The following ALDH1L2 variants were observed in gnomAD, a reference collection of about 807,000 sequenced individuals.
ALDH1L2 encodes the protein aldehyde dehydrogenase 1 family member L2.
ALDH1L2 carries 91 observed loss-of-function variants against 111.0 expected under a neutral mutation model. That is an observed-to-expected ratio of 0.82 (90% CI 0.69 to 0.98). The LOEUF (loss-of-function observed/expected upper bound fraction) is 0.98, where lower values mean the gene tolerates loss of function less well. Among genes scored for constraint, ALDH1L2 ranks in the 50% least tolerant of loss-of-function variants. The probability of loss-of-function intolerance (pLI) is 0.00; values close to 1 mark genes in which losing one functional copy is unlikely to be tolerated. For synonymous variants in ALDH1L2, 374 were observed against 392.6 expected, an observed-to-expected ratio of 0.95 and a Z score of 0.56; for missense variants, 995 against 1,126.8, an observed-to-expected ratio of 0.88 and a Z score of 1.67.
intron 7 of ALDH1L2, among the ~76,000 whole-genome samples, chr12:105,062,426 G>A (rs73393847): frequency 0.053 from 8,021 of 152,236 alleles, 703 homozygotes; most frequent in African/African-American, 0.18. Context: ...GGGAAGCTTC[G>A]CAAGGGCACA....
intron 18 of ALDH1L2, among the ~76,000 whole-genome samples, chr12:105,037,889 C>T (rs934657938): frequency 1.3e-5 from 2 of 151,988 alleles, no homozygotes; most frequent in East Asian, 1.9e-4. Flanking sequence ...CTCAGCCTCC[C>T]GGGTAGCTGG....
chr12:105,062,146 A>G (rs112501689), intron 7 of ALDH1L2, among the ~76,000 whole-genome samples: 30 of 152,354 alleles, frequency 2.0e-4, no homozygotes, highest in African/African-American at 6.7e-4. Flanking sequence ...CTTCAGCAGC[A>G]CATATACTAA....
intron 16 of ALDH1L2, among the ~76,000 whole-genome samples, chr12:105,040,399 C>A (rs949642999): frequency 6.6e-6 from 1 of 152,096 alleles, no homozygotes; most frequent in South Asian, 2.1e-4. Flanking sequence ...ACTGTACAAC[C>A]CCCCTCCCCA....
chr12:105,043,206 A>G (rs1222940852), intron 15 of ALDH1L2, among the ~76,000 whole-genome samples: 3 of 152,136 alleles, frequency 2.0e-5, no homozygotes, highest in Non-Finnish European at 4.4e-5. Context: ...TCCCTTGCTC[A>G]TTTGCCTTCA....
chr12:105,071,517 C>T (rs527267691), intron 2 of ALDH1L2, among the ~76,000 whole-genome samples: 2 of 148,952 alleles, frequency 1.3e-5, no homozygotes, highest in African/African-American at 2.5e-5. Flanking sequence ...AAACAGCACA[C>T]GCCTATTTTT....
At chr12:105,083,626 T>A (rs983724225) in intron 1 of ALDH1L2, among the ~76,000 whole-genome samples, 37 of 148,680 alleles carry the variant, frequency 2.5e-4, no homozygotes, top group Non-Finnish European at 4.3e-4. Context: ...TTTTTATTTT[T>A]TTTTTTTCTC....
At chr12:105,078,926 TAAG>T (rs1170335756) in intron 1 of ALDH1L2, among the ~76,000 whole-genome samples, 3 of 152,044 alleles carry the variant, frequency 2.0e-5, no homozygotes, top group Non-Finnish European at 4.4e-5. Flanking sequence ...TACTGGGAGT[TAAG>T]GAGTGGTGAC....
At chr12:105,065,412 AT>A in intron 5 of ALDH1L2, 56 bp from the exon 6 acceptor site, 1 of 1,425,876 alleles carries the variant, frequency 7.0e-7, no homozygotes, top group Non-Finnish European at 9.8e-7. Flanking sequence ...CTCAAAGGCA[AT>A]AAAAACGCTT....
Position 105,058,192 on chromosome 12 carries a change from C to T in ALDH1L2, c.1168G>A (p.Gly390Ser). 1.2e-6 allele frequency: 2 copies of T among 1,610,548 alleles called. No homozygotes were observed. The highest frequency in any genetic ancestry group is 1.1e-5 in the South Asian group (1 of 90,142). The change falls in exon 10 of 23, where the codon GGT (glycine) becomes AGT (serine). Residue 390 changes from glycine (G) to serine (S), a missense_variant. Coordinates refer to ENST00000258494, the MANE Select transcript of ALDH1L2 (RefSeq NM_001034173.4). The stretch of plus-strand genomic sequence containing the variant: ...TCTTCATTCTGCAACTGAAGCCCAC[C>T]ACATTTCTGTCTGATCTCTTCAACC... ...RLVEEIRQKCGGLQLQNEDVY... is the reference protein window; with the variant it reads ...RLVEEIRQKCSGLQLQNEDVY...
At chr12:105,055,088 G>C (rs1043780918) in intron 10 of ALDH1L2, among the ~76,000 whole-genome samples, 2 of 152,228 alleles carry the variant, frequency 1.3e-5, no homozygotes, top group African/African-American at 4.8e-5. Context: ...AGCAGGGCTT[G>C]TGCATGTGCC....
chr12:105,059,982 C>T (rs1425837867), intron 9 of ALDH1L2, among the ~76,000 whole-genome samples: 1 of 152,176 alleles, frequency 6.6e-6, no homozygotes, highest in Admixed American at 6.5e-5. Context: ...AGAAAAACAC[C>T]TCTGAAAGAT....
intron 1 of ALDH1L2, among the ~76,000 whole-genome samples, chr12:105,074,912 C>T (rs1459330345): frequency 2.6e-5 from 4 of 152,140 alleles, no homozygotes; most frequent in Non-Finnish European, 2.9e-5. Flanking sequence ...CCCCAAAGAA[C>T]CTAAGTAAGC....
chr12:105,052,342 A>G (rs1490921605), intron 11 of ALDH1L2, 125 bp from the exon 12 acceptor site: 2 of 977,486 alleles, frequency 2.0e-6, no homozygotes, highest in African/African-American at 1.7e-5. Context: ...ATAAGAAATG[A>G]GTATATCTAG....
chr12:105,053,847 T>A (rs1592787156), intron 10 of ALDH1L2, among the ~76,000 whole-genome samples: 1 of 118,552 alleles, frequency 8.4e-6, no homozygotes, highest in Admixed American at 8.9e-5. Context: ...ATATCATTAT[T>A]ATATATTATT....
chr12:105,075,985 C>T (rs1477169173), intron 1 of ALDH1L2, among the ~76,000 whole-genome samples: 1 of 152,174 alleles, frequency 6.6e-6, no homozygotes, highest in Admixed American at 6.5e-5. Context: ...AGGGTTTCAC[C>T]ATGTTGGCCA....
At chr12:105,080,548 AAGTT>A (rs1878289427) in intron 1 of ALDH1L2, among the ~76,000 whole-genome samples, 1 of 152,104 alleles carries the variant, frequency 6.6e-6, no homozygotes, top group South Asian at 2.1e-4. Context: ...GAGTCTGAAA[AAGTT>A]AGTTCACTTC....
intron 2 of ALDH1L2, among the ~76,000 whole-genome samples, chr12:105,073,408 AAAGGGGGTCCTGACCCTGGG>A (rs74643947): frequency 0.49 from 74,681 of 151,944 alleles, 19,779 homozygotes; most frequent in Middle Eastern, 0.65. Flanking sequence ...TGACAAATGG[AAAGGGGGTCCTGACCCTGGG>A]ACCAGGCACT....
At chr12:105,075,626 T>C (rs1592810866) in intron 1 of ALDH1L2, among the ~76,000 whole-genome samples, 1 of 152,202 alleles carries the variant, frequency 6.6e-6, no homozygotes, top group Admixed American at 6.5e-5. Flanking sequence ...TCAGTATCTT[T>C]GGAAACACTA....
At chr12:105,031,704 C>T (rs1211372315) in intron 20 of ALDH1L2, 65 bp downstream of exon 20, 17 of 1,560,452 alleles carry the variant, frequency 1.1e-5, no homozygotes, top group Non-Finnish European at 1.2e-5. Flanking sequence ...TGGTCTTAAA[C>T]TGTCGCTGTC....
Sources: gnomAD v4.1 joint callset for allele counts (sites outside exome capture counted in the v4.1 genomes callset) on GRCh38, gnomAD v4.1.1 for gene constraint, MANE v1.5 for transcripts, NCBI Gene and HGNC (gene_info 2026-07-23, HGNC 2026-07-21) for gene names.